Variants in CADPS observed in about 807,000 individuals in gnomAD.
The protein encoded by CADPS is calcium dependent secretion activator.
In CADPS, 57 loss-of-function variants were observed where a neutral mutation model predicts 167.3. The observed-to-expected ratio is 0.34, with a 90% CI of 0.28 to 0.42. The LOEUF is 0.42. Ranked by LOEUF, CADPS falls within the 20% of genes least tolerant of loss-of-function variation. The probability of loss-of-function intolerance (pLI) is 1.00; values close to 1 mark genes in which losing one functional copy is unlikely to be tolerated. For synonymous variants in CADPS, 676 were observed against 635.3 expected, an observed-to-expected ratio of 1.06 and a Z score of -0.96; for missense variants, 1,414 against 1,738.1, an observed-to-expected ratio of 0.81 and a Z score of 3.32.
intron 3 of CADPS, 128 bp from the exon 4 acceptor site, chr3:62,662,522 T>TA: frequency 1.4e-6 from 1 of 732,874 alleles, no homozygotes; most frequent in South Asian, 1.7e-5. Flanking sequence ...AAAATTCTTA[T>TA]AACCGACAAA....
At chr3:62,681,826 T>C (rs2077195693) in intron 3 of CADPS, among the ~76,000 whole-genome samples, 1 of 152,060 alleles carries the variant, frequency 6.6e-6, no homozygotes, top group Non-Finnish European at 1.5e-5. Context: ...CTCCACTTTA[T>C]TCTACATTTC....
Position 62,590,987 on chromosome 3 carries a change from T to C in CADPS, c.1437+1650A>G, listed in dbSNP as rs1166965568. Among the ~76,000 whole-genome samples, 3 of 152,194 alleles carry C rather than the reference T, an allele frequency of 2.0e-5. No homozygotes were observed. The East Asian group carries it at 5.8e-4, about 29-fold the overall frequency. ...CTCCTGCCTCAGCCTCCTGAGTAGC[T>C]AGGATTACAGGTGCCTGCCACCACG... On this transcript the variant is annotated intron_variant, in intron 7 of 29. Coordinates refer to ENST00000383710, the MANE Select transcript of CADPS (RefSeq NM_003716.4).
At chr3:62,695,788 C>G (rs1239769294) in intron 3 of CADPS, among the ~76,000 whole-genome samples, 1 of 152,042 alleles carries the variant, frequency 6.6e-6, no homozygotes, top group Non-Finnish European at 1.5e-5. Context: ...CTGCCTCAAC[C>G]TCTCCAGTAG....
chr3:62,812,737 C>A (rs907619120), intron 1 of CADPS, among the ~76,000 whole-genome samples: 4 of 152,084 alleles, frequency 2.6e-5, no homozygotes, highest in Admixed American at 2.0e-4. Context: ...ATGTTGGACC[C>A]CTTTCTGAAT....
chr3:62,732,070 C>A (rs2078011586), intron 3 of CADPS, among the ~76,000 whole-genome samples: 1 of 152,072 alleles, frequency 6.6e-6, no homozygotes. Flanking sequence ...TCATTTTGAA[C>A]TTCCTCATAG....
At chr3:62,417,615 C>A (rs747256827) in intron 28 of CADPS, among the ~76,000 whole-genome samples, 18 of 151,996 alleles carry the variant, frequency 1.2e-4, no homozygotes, top group Non-Finnish European at 8.8e-5. Flanking sequence ...CATGAGCCAC[C>A]CATTAAATTC....
chr3:62,803,581 A>G (rs953389892), intron 1 of CADPS, among the ~76,000 whole-genome samples: 1 of 152,000 alleles, frequency 6.6e-6, no homozygotes, highest in Non-Finnish European at 1.5e-5. Flanking sequence ...ATATATAACT[A>G]TATGATCCTG....
At chr3:62,816,585 CTATG>C in intron 1 of CADPS, among the ~76,000 whole-genome samples, 1 of 151,682 alleles carries the variant, frequency 6.6e-6, no homozygotes, top group East Asian at 1.9e-4. Flanking sequence ...CTTTAAATAT[CTATG>C]TATATATTTA....
chr3:62,534,154 C>T (rs2074249651), intron 12 of CADPS, among the ~76,000 whole-genome samples: 1 of 152,118 alleles, frequency 6.6e-6, no homozygotes, highest in Non-Finnish European at 1.5e-5. Context: ...AAGAAATAAA[C>T]CAATTTAGGT....
chr3:62,551,062 C>G (rs929602257), intron 10 of CADPS, among the ~76,000 whole-genome samples: 5 of 152,158 alleles, frequency 3.3e-5, no homozygotes, highest in Non-Finnish European at 5.9e-5. Flanking sequence ...TGCCAACCAG[C>G]CTTTAAGTAC....
intron 6 of CADPS, chr3:62,626,443 A>G: frequency 1.4e-6 from 1 of 698,150 alleles, no homozygotes; most frequent in Non-Finnish European, 2.6e-6. Context: ...ATTATTCAGT[A>G]AACAGAGATT....
rs2059813874 is a variant in CADPS, at chr3:62,465,243, C to T, written c.3636+124G>A. The T allele has an allele frequency of 1.6e-6, 1 of 637,874 alleles. No individual in the cohort carries two copies. Among genetic ancestry groups the T allele is most frequent in the South Asian group, 2.3e-5 (1 of 43,916 alleles). 39.5% of individuals were successfully genotyped at this position (637,874 alleles called of 1,614,324 possible). ...CTTTTCACATAGTGTTAATATTATA[C>T]AATAGTTGACTATAATTAACACACA... On this transcript the variant is annotated intron_variant, in intron 26 of 29. Coordinates refer to ENST00000383710, the MANE Select transcript of CADPS (RefSeq NM_003716.4). This position sits in a 1 kb window ranked among gnomAD's most constrained non-coding sequence, Gnocchi z 4.1.
intron 1 of CADPS, among the ~76,000 whole-genome samples, chr3:62,826,475 A>C (rs1192460982): frequency 1.3e-5 from 2 of 152,148 alleles, no homozygotes; most frequent in Non-Finnish European, 2.9e-5. Flanking sequence ...ATGTCTTACA[A>C]CTGTATGTAA....
At chr3:62,564,523 A>G (rs17066596) in intron 9 of CADPS, among the ~76,000 whole-genome samples, 8,228 of 152,180 alleles carry the variant, frequency 0.054, 395 homozygotes, top group African/African-American at 0.12. Flanking sequence ...ACAGAATATT[A>G]CAGTTTGTAC....
At chr3:62,618,656 C>G (rs535871461) in intron 6 of CADPS, among the ~76,000 whole-genome samples, 6 of 152,154 alleles carry the variant, frequency 3.9e-5, no homozygotes, top group Non-Finnish European at 8.8e-5. Flanking sequence ...CAGATGCCAA[C>G]TGTTTCATTC....
At chr3:62,540,199 C>G (rs1005157388) in intron 11 of CADPS, among the ~76,000 whole-genome samples, 3 of 152,088 alleles carry the variant, frequency 2.0e-5, no homozygotes, top group African/African-American at 7.2e-5. Context: ...CTTATCATTT[C>G]TAGGAAGCTG....
rs1012076413 is a variant in CADPS, at chr3:62,544,201, T to G, written c.1966+5702A>C. Among the ~76,000 whole-genome samples, 1 of 152,134 alleles carries G rather than the reference T, an allele frequency of 6.6e-6. No homozygotes were observed. Among genetic ancestry groups the G allele is most frequent in the African/African-American group, 2.4e-5 (1 of 41,442 alleles). On this transcript the variant is annotated intron_variant, in intron 11 of 29. Transcript: ENST00000383710. This position sits in a 1 kb window ranked among gnomAD's most constrained non-coding sequence, Gnocchi z 4.4. Reference sequence around the variant, plus strand: ...TGTATTGTAGCTCTCCTTTCAAAATTAATCCTCTATTGGGTCTTACATTAG... The same window carrying G: ...TGTATTGTAGCTCTCCTTTCAAAATGAATCCTCTATTGGGTCTTACATTAG...
chr3:62,431,052 G>T (rs2053827047), intron 28 of CADPS, among the ~76,000 whole-genome samples: 1 of 150,404 alleles, frequency 6.6e-6, no homozygotes, highest in South Asian at 2.1e-4. Flanking sequence ...CATAATTGAG[G>T]ATAGAGATGA....
intron 1 of CADPS, among the ~76,000 whole-genome samples, chr3:62,845,268 A>C (rs1256542403): frequency 6.6e-6 from 1 of 152,186 alleles, no homozygotes; most frequent in East Asian, 1.9e-4. Context: ...ACCGAGCTGC[A>C]TATCCCAAGG....
Sources: allele counts gnomAD v4.1 joint callset (sites outside exome capture counted in the v4.1 genomes callset), GRCh38; gene constraint gnomAD v4.1.1; non-coding constraint Gnocchi (gnomAD v3.1); transcripts MANE v1.5; gene names NCBI Gene and HGNC (gene_info 2026-07-23, HGNC 2026-07-21).